VTI1A: variants seen among roughly 807,000 people sequenced by gnomAD.
VTI1A encodes the protein vesicle transport through interaction with t-SNAREs homolog 1A.
In VTI1A, 22 loss-of-function variants were observed where a neutral mutation model predicts 34.9. The ratio of observed to expected loss-of-function variants is 0.63; its 90% CI spans 0.45 to 0.90. VTI1A has a LOEUF of 0.90. Among genes scored for constraint, VTI1A ranks in the 40% least tolerant of loss-of-function variants. The pLI is 0.00. For synonymous variants in VTI1A, 87 were observed against 97.3 expected (o/e 0.89, Z 0.62); for missense variants, 268 against 275.6 (o/e 0.97, Z 0.20).
At chr10:112,840,074 C>T in the VTI1A span, among the ~76,000 whole-genome samples, 1 of 152,138 alleles carries the variant, frequency 6.6e-6, no homozygotes, top group Non-Finnish European at 1.5e-5. Context: ...CTCTGCCCCA[C>T]AGTCTGCAGC....
intron 7 of VTI1A, among the ~76,000 whole-genome samples, chr10:112,799,321 A>C (rs1852790365): frequency 1.3e-5 from 2 of 152,140 alleles, no homozygotes; most frequent in African/African-American, 4.8e-5. Context: ...GGGTGAGTCT[A>C]CCCCACAGAT....
intron 5 of VTI1A, among the ~76,000 whole-genome samples, chr10:112,588,660 A>G (rs1335541628): frequency 6.6e-6 from 1 of 152,250 alleles, no homozygotes; most frequent in African/African-American, 2.4e-5. Flanking sequence ...AACTGCAAGT[A>G]GCAAGTAGTA....
chr10:112,556,625 C>T (rs1378873220), intron 5 of VTI1A, among the ~76,000 whole-genome samples: 5 of 151,970 alleles, frequency 3.3e-5, no homozygotes, highest in Non-Finnish European at 5.9e-5. Flanking sequence ...AAGTATATTT[C>T]ACCATTGTAA....
rs75521097 is a variant in VTI1A at position 112,724,497 on chromosome 10, T to A, written c.560+55499T>A. ...CCAGGGTAGATCCTGGAAGGCTCTA[T>A]CTCCTCCAACCAATCAGAAAGCTGC... is the stretch of plus-strand genomic sequence containing the variant. On this transcript the variant is annotated intron_variant, in intron 7 of 7. Transcript: ENST00000393077. Among the ~76,000 whole-genome samples the A allele has an allele frequency of 9.4e-3, 1,423 of 152,044 alleles. 24 individuals carry two copies. Among genetic ancestry groups the A allele is most frequent in the African/African-American group, 0.032 (1,318 of 41,496 alleles).
At chr10:112,586,142 T>C (rs1234707718) in intron 5 of VTI1A, among the ~76,000 whole-genome samples, 1 of 151,236 alleles carries the variant, frequency 6.6e-6, no homozygotes, top group Non-Finnish European at 1.5e-5. Context: ...TTTTTTTTTT[T>C]CCTTCTAAAT....
intron 5 of VTI1A, among the ~76,000 whole-genome samples, chr10:112,539,553 T>A (rs989560933): frequency 6.6e-6 from 1 of 152,212 alleles, no homozygotes; most frequent in African/African-American, 2.4e-5. Context: ...CTTTTGTGTG[T>A]TCTTTTTGTT....
intron 7 of VTI1A, among the ~76,000 whole-genome samples, chr10:112,749,042 A>C (rs1851011194): frequency 6.6e-6 from 1 of 152,232 alleles, no homozygotes; most frequent in Non-Finnish European, 1.5e-5. Flanking sequence ...GAGTAAAACC[A>C]ATCTTCGTTG....
At chr10:112,588,245 T>C (rs1364262525) in intron 5 of VTI1A, among the ~76,000 whole-genome samples, 1 of 152,052 alleles carries the variant, frequency 6.6e-6, no homozygotes, top group East Asian at 1.9e-4. Context: ...AGCAATAAAC[T>C]ATAGTTTGTT....
intron 7 of VTI1A, among the ~76,000 whole-genome samples, chr10:112,695,460 GT>G (rs1233527193): frequency 6.6e-6 from 1 of 152,076 alleles, no homozygotes; most frequent in Non-Finnish European, 1.5e-5. Context: ...AATTGCTGAG[GT>G]TATTATGTTC....
At chr10:112,617,933 T>G (rs1845567232) in intron 5 of VTI1A, among the ~76,000 whole-genome samples, 1 of 152,148 alleles carries the variant, frequency 6.6e-6, no homozygotes, top group Non-Finnish European at 1.5e-5. Context: ...GGTGGCTGGA[T>G]TACCGAGGTC....
At position 112,501,018 on chromosome 10, in the gene VTI1A, C is replaced by A. The variant is rs368649516; in HGVS notation, c.265-26069C>A. On this transcript the variant is annotated intron_variant, in intron 3 of 7. Transcript: ENST00000393077. ...CTTTATTTGACTGTATCAAAATAAA[C>A]CTCCATTTTCTAGTATGTCAAGTTT... is the stretch of plus-strand genomic sequence containing the variant. Among the ~76,000 whole-genome samples the A allele has an allele frequency of 6.6e-5, 10 of 152,280 alleles. No individual in the cohort carries two copies. In the East Asian group the frequency reaches 1.4e-3, roughly 21 times the overall value.
chr10:112,796,779 T>C (rs187164845), intron 7 of VTI1A, among the ~76,000 whole-genome samples: 34 of 152,348 alleles, frequency 2.2e-4, no homozygotes, highest in African/African-American at 8.2e-4. Flanking sequence ...GCTAATTTGA[T>C]AGTTCTCTAT....
At chr10:112,748,290 C>T (rs746427455) in intron 7 of VTI1A, among the ~76,000 whole-genome samples, 2 of 152,136 alleles carry the variant, frequency 1.3e-5, no homozygotes, top group Non-Finnish European at 2.9e-5. Context: ...TGTACTGGTA[C>T]TGAAAACAAC....
chr10:112,834,996 C>G, the VTI1A span, among the ~76,000 whole-genome samples: 1 of 151,942 alleles, frequency 6.6e-6, no homozygotes, highest in African/African-American at 2.4e-5. Flanking sequence ...TTAGTTCATC[C>G]AACTGAAAAT....
intron 3 of VTI1A, among the ~76,000 whole-genome samples, chr10:112,509,433 A>C (rs1849537271): frequency 2.0e-5 from 3 of 152,208 alleles, no homozygotes; most frequent in Non-Finnish European, 2.9e-5. Flanking sequence ...ATTAAGGTGC[A>C]TTTACAATGT....
At chr10:112,634,013 T>A (rs531639051) in intron 5 of VTI1A, among the ~76,000 whole-genome samples, 6 of 152,328 alleles carry the variant, frequency 3.9e-5, no homozygotes, top group African/African-American at 1.4e-4. Flanking sequence ...CCCAGAGTAA[T>A]AGAGCTTTCT....
intron 3 of VTI1A, among the ~76,000 whole-genome samples, chr10:112,483,792 A>G (rs1361786446): frequency 6.7e-6 from 1 of 149,170 alleles, no homozygotes; most frequent in Non-Finnish European, 1.5e-5. Context: ...AGAGAGAGAG[A>G]GAGAATATTA....
chr10:112,615,204 A>G (rs1455529984), intron 5 of VTI1A, among the ~76,000 whole-genome samples: 2 of 152,226 alleles, frequency 1.3e-5, no homozygotes, highest in African/African-American at 2.4e-5. Context: ...GTTATTGAAC[A>G]TCTTAAAGGA....
chr10:112,748,577 C>T (rs978581989), intron 7 of VTI1A, among the ~76,000 whole-genome samples: 39 of 144,068 alleles, frequency 2.7e-4, no homozygotes, highest in African/African-American at 9.7e-4. Flanking sequence ...AACCCACACA[C>T]AAATGACACC....
Sources: gnomAD v4.1 joint callset for allele counts (sites outside exome capture counted in the v4.1 genomes callset) on GRCh38, gnomAD v4.1.1 for gene constraint, MANE v1.5 for transcripts, NCBI Gene and HGNC (gene_info 2026-07-23, HGNC 2026-07-21) for gene names.